Variants in KIAA1217 observed in about 807,000 individuals in gnomAD.
The protein encoded by KIAA1217 is sickle tail protein homolog.
A neutral mutation model predicts 163.9 loss-of-function variants in KIAA1217; 88 were observed. The ratio of observed to expected loss-of-function variants is 0.54; its 90% CI spans 0.45 to 0.64. The LOEUF is 0.64. KIAA1217 is among the 30% of genes least tolerant of loss of function. The pLI is 0.00. For missense variants in KIAA1217, 2,372 were observed against 2,475.0 expected (o/e 0.96, Z 0.88); for synonymous variants, 903 against 923.1 (o/e 0.98, Z 0.39).
chr10:24,060,682 G>C (rs887882904), intron 2 of KIAA1217, among the ~76,000 whole-genome samples: 3 of 152,148 alleles, frequency 2.0e-5, no homozygotes, highest in Non-Finnish European at 1.5e-5. Context: ...TGTAGTCCTA[G>C]ATACTTGGGA....
At chr10:24,220,231 A>C (rs2069392061) in intron 2 of KIAA1217, among the ~76,000 whole-genome samples, 1 of 152,130 alleles carries the variant, frequency 6.6e-6, no homozygotes, top group Non-Finnish European at 1.5e-5. Flanking sequence ...AAGTGCAGGG[A>C]ATGAAGGGGT....
intron 1 of KIAA1217, among the ~76,000 whole-genome samples, chr10:23,733,486 C>T (rs1273086460): frequency 4.6e-5 from 7 of 152,198 alleles, no homozygotes; most frequent in Non-Finnish European, 8.8e-5. Flanking sequence ...ATAGTATTTG[C>T]ATATAAACTT....
intron 2 of KIAA1217, among the ~76,000 whole-genome samples, chr10:24,336,109 G>A (rs1261979518): frequency 6.6e-6 from 1 of 152,174 alleles, no homozygotes; most frequent in Non-Finnish European, 1.5e-5. Context: ...GGGTGTAGTG[G>A]CAGGTGCCTG....
At chr10:24,251,995 AGG>A (rs2074606669) in intron 2 of KIAA1217, among the ~76,000 whole-genome samples, 2 of 152,056 alleles carry the variant, frequency 1.3e-5, no homozygotes, top group Non-Finnish European at 2.9e-5. Context: ...ACATCGTAGC[AGG>A]AATAAGGGAG....
rs10828585 is a variant in KIAA1217, at chr10:24,023,834, A to G, written c.-171+16460A>G. 2.2e-3 allele frequency among the ~76,000 whole-genome samples: 332 copies of G among 151,644 alleles called. 8 individuals are homozygous for G. In the East Asian group the frequency reaches 0.026, roughly 12 times the overall value. On this transcript the variant is annotated intron_variant, in intron 2 of 18. Coordinates refer to the KIAA1217 transcript ENST00000376462. ...AACATGGATGAATCCTGCAGACTCA[A>G]TATTGTAAACAAAGAAGGCAGAGAT...
intron 3 of KIAA1217, among the ~76,000 whole-genome samples, chr10:24,419,293 G>T (rs910365420): frequency 6.6e-6 from 1 of 152,068 alleles, no homozygotes. Flanking sequence ...TCCTGAGTCA[G>T]ATCTGAGTGC....
upstream of KIAA1217, among the ~76,000 whole-genome samples, chr10:24,206,222 C>G (rs990293532): frequency 6.6e-6 from 1 of 152,258 alleles, no homozygotes; most frequent in Middle Eastern, 3.4e-3. Context: ...AAGTTCTTCC[C>G]GCTTTCCTTA....
At chr10:23,827,131 C>T (rs1482784646) in intron 1 of KIAA1217, among the ~76,000 whole-genome samples, 2 of 152,110 alleles carry the variant, frequency 1.3e-5, no homozygotes, top group Non-Finnish European at 2.9e-5. Flanking sequence ...GATTCTCAAC[C>T]CTGACTACAC....
At chr10:24,345,271 G>T (rs565294396) in intron 2 of KIAA1217, among the ~76,000 whole-genome samples, 1 of 152,306 alleles carries the variant, frequency 6.6e-6, no homozygotes, top group Admixed American at 6.5e-5. Context: ...CAGCTGTAGT[G>T]CTTGGCTTGA....
intron 2 of KIAA1217, among the ~76,000 whole-genome samples, chr10:24,094,074 A>T (rs1697632571): frequency 1.3e-5 from 2 of 151,788 alleles, no homozygotes; most frequent in Non-Finnish European, 2.9e-5. Flanking sequence ...GGTTGGTTCC[A>T]AGTTTTTGCT....
intron 2 of KIAA1217, among the ~76,000 whole-genome samples, chr10:24,099,801 C>T (rs2062335134): frequency 7.0e-6 from 1 of 143,512 alleles, no homozygotes; most frequent in Non-Finnish European, 1.5e-5. Flanking sequence ...CAAGTGTTCT[C>T]ATTGTTCAAT....
intron 1 of KIAA1217, among the ~76,000 whole-genome samples, chr10:23,946,331 A>G (rs1210192151): frequency 6.6e-6 from 1 of 151,070 alleles, no homozygotes; most frequent in Non-Finnish European, 1.5e-5. Context: ...TAAAAGAGCT[A>G]TTTGGCATAT....
intron 2 of KIAA1217, among the ~76,000 whole-genome samples, chr10:24,017,501 T>C (rs1203495023): frequency 6.6e-6 from 1 of 152,126 alleles, no homozygotes; most frequent in Non-Finnish European, 1.5e-5. Context: ...TTATTCAGAA[T>C]GAAGAATCAA....
intron 3 of KIAA1217, among the ~76,000 whole-genome samples, chr10:24,419,089 A>G (rs2058512672): frequency 6.6e-6 from 1 of 151,034 alleles, no homozygotes; most frequent in South Asian, 2.1e-4. Flanking sequence ...AGGTAAGAGA[A>G]TCGCTTGAAC....
chr10:24,168,940 C>T (rs531339051), intron 2 of KIAA1217, among the ~76,000 whole-genome samples: 1 of 152,328 alleles, frequency 6.6e-6, no homozygotes, highest in African/African-American at 2.4e-5. Flanking sequence ...CTTAGGTGTG[C>T]TTGCCAAGCA....
intron 6 of KIAA1217, among the ~76,000 whole-genome samples, chr10:24,475,621 G>T (rs893416144): frequency 6.6e-6 from 1 of 152,154 alleles, no homozygotes; most frequent in Non-Finnish European, 1.5e-5. Context: ...AAAAAATAAG[G>T]ATTGGAAAAT....
chr10:23,946,292 A>G (rs1844040201), intron 1 of KIAA1217, among the ~76,000 whole-genome samples: 2 of 148,476 alleles, frequency 1.3e-5, no homozygotes, highest in African/African-American at 2.5e-5. Context: ...AAAGTAAAGG[A>G]GCTATTTGGC....
chr10:24,430,821 A>G (rs1238502170), intron 3 of KIAA1217, among the ~76,000 whole-genome samples: 7 of 152,216 alleles, frequency 4.6e-5, no homozygotes, highest in African/African-American at 1.7e-4. Flanking sequence ...GTAAATACAG[A>G]TGAAGATTCC....
intron 2 of KIAA1217, among the ~76,000 whole-genome samples, chr10:24,229,669 C>G (rs911959199): frequency 5.3e-5 from 8 of 152,202 alleles, no homozygotes; most frequent in South Asian, 2.1e-4. Flanking sequence ...AGGTGCCCAC[C>G]ACCATGCCTG....
Sources: gnomAD v4.1 joint callset for allele counts (sites outside exome capture counted in the v4.1 genomes callset) on GRCh38, gnomAD v4.1.1 for gene constraint, MANE v1.5 for transcripts, NCBI Gene and HGNC (gene_info 2026-07-23, HGNC 2026-07-21) for gene names.